CNKSR2: variants seen among roughly 807,000 people sequenced by gnomAD.
The protein encoded by CNKSR2 is connector enhancer of kinase suppressor of Ras 2.
CNKSR2 carries 14 observed loss-of-function variants against 84.4 expected under a neutral mutation model. The ratio of observed to expected loss-of-function variants is 0.17; its 90% CI spans 0.11 to 0.26. The LOEUF (loss-of-function observed/expected upper bound fraction) is 0.26, where lower values mean the gene tolerates loss of function less well. CNKSR2 is among the 10% of genes least tolerant of loss of function. The pLI is 1.00. For synonymous variants in CNKSR2, 275 were observed against 277.9 expected (o/e 0.99, Z 0.10); for missense variants, 485 against 771.2 (o/e 0.63, Z 4.40).
intron 14 of CNKSR2, 46 bp from the exon 15 acceptor site, chrX:21,590,976 A>G (rs1234578105): frequency 2.7e-6 from 3 of 1,100,620 alleles, no homozygotes; most frequent in Non-Finnish European, 2.4e-6. Context: ...TTAATCCTCT[A>G]CTTTCATACC....
intron 11 of CNKSR2, among the ~76,000 whole-genome samples, chrX:21,544,760 G>A (rs904965003): frequency 8.1e-5 from 9 of 110,985 alleles, no homozygotes; most frequent in African/African-American, 2.3e-4. Flanking sequence ...AGGGTGGGGC[G>A]TCGCCTCACC....
Position 21,556,682 on chromosome X carries a change from C to T in CNKSR2, c.1304-4789C>T, listed in dbSNP as rs767226628. 6.4e-5 allele frequency among the ~76,000 whole-genome samples: 7 copies of T among 110,058 alleles called. No individual in the cohort carries two copies. In the Admixed American group the frequency reaches 6.8e-4, roughly 11 times the overall value. ...AACATGGAGGCCCTAAAAACCTTGA[C>T]AATAGCAGTTTTGGTGGAATAGTGG... On this transcript the variant is annotated intron_variant, in intron 11 of 21. Coordinates refer to ENST00000379510, the MANE Select transcript of CNKSR2 (RefSeq NM_014927.5).
intron 11 of CNKSR2, among the ~76,000 whole-genome samples, chrX:21,541,169 G>T (rs1233611288): frequency 1.8e-5 from 2 of 110,515 alleles, no homozygotes; most frequent in Non-Finnish European, 3.8e-5. Flanking sequence ...TTTTAGTAGA[G>T]ACGTGGTTTC....
At chrX:21,638,780 ATAGT>A (rs1361851202) in intron 20 of CNKSR2, among the ~76,000 whole-genome samples, 8 of 112,201 alleles carry the variant, frequency 7.1e-5, no homozygotes, top group African/African-American at 1.9e-4. Flanking sequence ...GAATATTTTT[ATAGT>A]TAGAGTAACA....
At chrX:21,388,812 A>T (rs1053069409) in intron 1 of CNKSR2, among the ~76,000 whole-genome samples, 1 of 110,996 alleles carries the variant, frequency 9.0e-6, no homozygotes, top group Non-Finnish European at 1.9e-5. Flanking sequence ...TGTAGGTTGC[A>T]TTTAGTGACT....
chrX:21,438,862 G>T lies in CNKSR2; in HGVS notation c.432-1832G>T, dbSNP rs149207155. Among the ~76,000 whole-genome samples the T allele has an allele frequency of 6.6e-3, 731 of 111,082 alleles. 4 individuals are homozygous for T. Among genetic ancestry groups the T allele is most frequent in the African/African-American group, 0.023 (688 of 30,574 alleles). Reference sequence around the variant, plus strand: ...AAGCCCACCAAAACGTAACAGATGAGTATATAAGTAGGTAAATCAAAAAAG... The same window carrying T: ...AAGCCCACCAAAACGTAACAGATGATTATATAAGTAGGTAAATCAAAAAAG... On this transcript the variant is annotated intron_variant, in intron 3 of 21. Coordinates refer to ENST00000379510, the MANE Select transcript of CNKSR2 (RefSeq NM_014927.5).
At chrX:21,580,030 A>G (rs963318981) in intron 13 of CNKSR2, among the ~76,000 whole-genome samples, 1 of 112,214 alleles carries the variant, frequency 8.9e-6, no homozygotes, top group African/African-American at 3.2e-5. Flanking sequence ...TGACAGCATA[A>G]TGATGATTTG....
At chrX:21,443,138 A>G (rs1019158717) in intron 4 of CNKSR2, among the ~76,000 whole-genome samples, 1 of 111,060 alleles carries the variant, frequency 9.0e-6, no homozygotes, top group Non-Finnish European at 1.9e-5. Context: ...GTACCCCTGA[A>G]CCTAAAATAA....
intron 8 of CNKSR2, chrX:21,506,274 A>T (rs1463707567): frequency 8.9e-6 from 1 of 111,758 alleles, no homozygotes; most frequent in East Asian, 2.8e-4. Flanking sequence ...AAAATAGAAC[A>T]AGTGAATCAT....
intron 11 of CNKSR2, among the ~76,000 whole-genome samples, chrX:21,561,096 G>A (rs759426758): frequency 1.8e-5 from 2 of 108,428 alleles, no homozygotes; most frequent in African/African-American, 6.7e-5. Context: ...TTTGGAGGTT[G>A]GCTGTCAAGA....
At chrX:21,391,527 G>C (rs1015970176) in intron 1 of CNKSR2, among the ~76,000 whole-genome samples, 4 of 111,973 alleles carry the variant, frequency 3.6e-5, no homozygotes, top group Admixed American at 2.8e-4. Flanking sequence ...AGCTGGAGCT[G>C]GAGTGGCTGG....
chrX:21,652,176 AG>A, intron 21 of CNKSR2, 129 bp from the exon 22 acceptor site: 1 of 489,052 alleles, frequency 2.0e-6, no homozygotes, highest in Non-Finnish European at 3.4e-6. Context: ...GAGTCTAAAG[AG>A]CTGGGTGGGT....
At chrX:21,521,313 T>C in intron 9 of CNKSR2, among the ~76,000 whole-genome samples, 1 of 110,965 alleles carries the variant, frequency 9.0e-6, no homozygotes, top group African/African-American at 3.2e-5. Context: ...TTGTATGTTT[T>C]ACATACTCAA....
chrX:21,527,149 T>C, intron 10 of CNKSR2, 149 bp downstream of exon 10: 1 of 389,507 alleles, frequency 2.6e-6, no homozygotes, highest in Non-Finnish European at 4.4e-6. Context: ...ATTCCCATTA[T>C]AGAGCATGCA....
chrX:21,543,132 G>A (rs1002922328), intron 11 of CNKSR2, among the ~76,000 whole-genome samples: 6 of 112,461 alleles, frequency 5.3e-5, no homozygotes, highest in Non-Finnish European at 7.5e-5. Flanking sequence ...TTAGGATAGC[G>A]TCTGTAGGTT....
intron 5 of CNKSR2, among the ~76,000 whole-genome samples, chrX:21,486,169 C>A (rs912581745): frequency 9.0e-6 from 1 of 111,586 alleles, no homozygotes; most frequent in Non-Finnish European, 1.9e-5. Flanking sequence ...ATGAATATTG[C>A]GAAAATAGCA....
intron 20 of CNKSR2, among the ~76,000 whole-genome samples, chrX:21,618,285 G>A (rs1406879674): frequency 3.6e-5 from 4 of 111,169 alleles, no homozygotes; most frequent in Non-Finnish European, 5.7e-5. Context: ...ATGCCGTGCC[G>A]TAGGTACATC....
intron 4 of CNKSR2, among the ~76,000 whole-genome samples, chrX:21,457,576 T>C (rs182720779): frequency 3.3e-3 from 365 of 111,993 alleles, no homozygotes; most frequent in Non-Finnish European, 6.0e-3. Context: ...CATCATGATA[T>C]TGATTAATGT....
chrX:21,481,486 CT>C (rs1382456308), intron 5 of CNKSR2, among the ~76,000 whole-genome samples: 1 of 111,710 alleles, frequency 9.0e-6, no homozygotes, highest in Non-Finnish European at 1.9e-5. Context: ...CCCAGGACCC[CT>C]GTCCCCTGGT....
Sources: gnomAD v4.1 joint callset for allele counts (sites outside exome capture counted in the v4.1 genomes callset) on GRCh38, gnomAD v4.1.1 for gene constraint, MANE v1.5 for transcripts, NCBI Gene and HGNC (gene_info 2026-07-23, HGNC 2026-07-21) for gene names.